Variants in AQP9 observed in about 807,000 individuals in gnomAD.
The protein encoded by AQP9 is aquaporin-9.
Under a neutral mutation model 23.8 loss-of-function variants are expected in AQP9, and 19 were observed. The observed-to-expected ratio is 0.80, with a 90% CI of 0.56 to 1.17. AQP9 has a LOEUF of 1.17. Among genes scored for constraint, AQP9 ranks in the 50% most tolerant of loss-of-function variants. The pLI, the probability that AQP9 is intolerant of heterozygous loss-of-function variation, is 0.00. For missense variants in AQP9, 413 were observed against 362.0 expected, an observed-to-expected ratio of 1.14 and a Z score of -1.14; for synonymous variants, 153 against 131.5, an observed-to-expected ratio of 1.16 and a Z score of -1.12.
At position 58,175,030 on chromosome 15, in the gene AQP9, A is replaced by C. The variant is rs1432521897; in HGVS notation, c.489A>C (p.Ala163=). ...APYLSLANAF[A]DQVVATMILL... is the part of the protein sequence containing the mutation. ...ATCTATCTCTGGCGAACGCATTTGC[A>C]GATCAAGTAAGTGTAGATTCAACAA... The change falls in exon 4 of 6, where the codon GCA becomes GCC. Residue 163 remains alanine (A), a synonymous_variant. Transcript: ENST00000219919. 1 of 1,610,686 alleles carries C rather than the reference A, an allele frequency of 6.2e-7. No homozygotes were observed. Among genetic ancestry groups the C allele is most frequent in the South Asian group, 1.1e-5 (1 of 91,014 alleles).
intron 4 of AQP9, among the ~76,000 whole-genome samples, chr15:58,177,994 T>C (rs1263019082): frequency 1.3e-5 from 2 of 152,230 alleles, no homozygotes; most frequent in Non-Finnish European, 2.9e-5. Flanking sequence ...GCATTTGTAT[T>C]GGACATGTAC....
intron 5 of AQP9, among the ~76,000 whole-genome samples, chr15:58,180,457 T>C (rs1196194522): frequency 3.3e-5 from 5 of 152,194 alleles, no homozygotes; most frequent in Non-Finnish European, 5.9e-5. Flanking sequence ...CATGAGTACC[T>C]TGACAGCCTT....
chr15:58,159,671 T>C (rs1898334382), intron 1 of AQP9, among the ~76,000 whole-genome samples: 1 of 152,180 alleles, frequency 6.6e-6, no homozygotes, highest in African/African-American at 2.4e-5. Flanking sequence ...CTCCGCCCTT[T>C]CTTGACCTCT....
At chr15:58,166,239 G>A (rs1248494696) in intron 1 of AQP9, among the ~76,000 whole-genome samples, 2 of 152,182 alleles carry the variant, frequency 1.3e-5, no homozygotes, top group East Asian at 3.8e-4. Flanking sequence ...AACTGCTACT[G>A]TGCTCGATTA....
intron 2 of AQP9, among the ~76,000 whole-genome samples, chr15:58,172,845 A>G (rs373511502): frequency 2.0e-5 from 3 of 152,090 alleles, no homozygotes; most frequent in African/African-American, 7.2e-5. Context: ...ATCAAGATAA[A>G]CATTCTAAAC....
chr15:58,170,893 G>T (rs1249985249), intron 2 of AQP9, among the ~76,000 whole-genome samples: 2 of 152,006 alleles, frequency 1.3e-5, no homozygotes, highest in African/African-American at 4.8e-5. Flanking sequence ...AAACTCAAGG[G>T]AGTTGGACTG....
chr15:58,171,516 C>G (rs1460036705), intron 2 of AQP9, among the ~76,000 whole-genome samples: 1 of 152,186 alleles, frequency 6.6e-6, no homozygotes, highest in Non-Finnish European at 1.5e-5. Flanking sequence ...ACCCCTGTTT[C>G]TAGCCTTCCC....
chr15:58,179,678 T>C (rs188335210), intron 5 of AQP9, among the ~76,000 whole-genome samples: 42 of 152,322 alleles, frequency 2.8e-4, no homozygotes, highest in African/African-American at 1.0e-3. Context: ...TGCAGATTCA[T>C]TTTGTGACAA....
intron 2 of AQP9, 62 bp downstream of exon 2, chr15:58,166,861 G>T: frequency 6.5e-7 from 1 of 1,543,414 alleles, no homozygotes; most frequent in South Asian, 1.3e-5. Context: ...CCCGCACAGT[G>T]CTGGCTGCTT....
Position 58,166,801 on chromosome 15 carries a change from T to G in AQP9, c.238+2T>G, listed in dbSNP as rs1898518209. On this transcript the variant is annotated splice_donor_variant, in intron 2 of 5. Coordinates refer to ENST00000219919, the MANE Select transcript of AQP9 (RefSeq NM_020980.5). LOFTEE classifies it high-confidence loss of function. ...TTTATGTGGCTGGCGGTGTCTCTGG[T>G]AAGCAGTAGAAATAATGAATGCTGC... 5.6e-6 allele frequency: 9 copies of G among 1,613,584 alleles called. No homozygotes were observed. The highest frequency in any genetic ancestry group is 7.6e-6 in the Non-Finnish European group (9 of 1,179,620).
At chr15:58,175,132 G>A (rs1418965428) in intron 4 of AQP9, 96 bp downstream of exon 4, 2 of 1,160,958 alleles carry the variant, frequency 1.7e-6, no homozygotes, top group Non-Finnish European at 2.5e-6. Context: ...AGAAAGGAGA[G>A]ATTATATTTC....
chr15:58,166,656 T>G lies in AQP9; in HGVS notation c.112-17T>G. The G allele has an allele frequency of 6.2e-7, 1 of 1,602,520 alleles. No homozygotes were observed. The highest frequency in any genetic ancestry group is 8.5e-7 in the Non-Finnish European group (1 of 1,174,640). On this transcript the variant is annotated splice_polypyrimidine_tract_variant and intron_variant, in intron 1 of 5. Transcript: ENST00000219919. The stretch of plus-strand genomic sequence containing the variant: ...TAGCCATCCCCACTTACCTGTTGAG[T>G]TTTCCTCTCATTCCAGGTCCTTGGA...
chr15:58,176,173 A>G (rs192346805), intron 4 of AQP9, among the ~76,000 whole-genome samples: 142 of 152,312 alleles, frequency 9.3e-4, no homozygotes, highest in Non-Finnish European at 1.7e-3. Flanking sequence ...CTGCCCAGAA[A>G]TTTTGAATCT....
At position 58,174,908 on chromosome 15, in the gene AQP9, T is replaced by A; in HGVS notation, c.377-10T>A. 1 of 1,611,170 alleles carries A rather than the reference T, an allele frequency of 6.2e-7. No homozygotes were observed. The highest frequency in any genetic ancestry group is 1.1e-5 in the South Asian group (1 of 91,032). ...GGAACACTAATGTGCCAGAGCTTTCTCTTTCATAGATGGACTTATGTCCTT... is the reference window on the plus strand; with the variant it reads ...GGAACACTAATGTGCCAGAGCTTTCACTTTCATAGATGGACTTATGTCCTT... On this transcript the variant is annotated splice_polypyrimidine_tract_variant and intron_variant, in intron 3 of 5. Coordinates refer to ENST00000219919, the MANE Select transcript of AQP9 (RefSeq NM_020980.5).
At chr15:58,181,322 C>T (rs1385388546) in intron 5 of AQP9, among the ~76,000 whole-genome samples, 2 of 152,184 alleles carry the variant, frequency 1.3e-5, no homozygotes, top group Admixed American at 1.3e-4. Context: ...AGTTTCTGTC[C>T]TTCACTGTTG....
At chr15:58,146,551 G>A (rs1173475630) in intron 1 of AQP9, among the ~76,000 whole-genome samples, 3 of 151,654 alleles carry the variant, frequency 2.0e-5, no homozygotes, top group Admixed American at 6.6e-5. Context: ...CTGTTCTGTC[G>A]TCTCGAGTTG....
chr15:58,151,837 G>A (rs919190581), intron 1 of AQP9: 4 of 152,032 alleles, frequency 2.6e-5, no homozygotes, highest in Non-Finnish European at 5.9e-5. Flanking sequence ...TACTTGCAGA[G>A]GTACTCCTAA....
chr15:58,179,999 A>T (rs1898847245), intron 5 of AQP9, among the ~76,000 whole-genome samples: 1 of 152,210 alleles, frequency 6.6e-6, no homozygotes. Context: ...ACTTCCGGAC[A>T]GGACAGACGT....
chr15:58,174,656 C>T (rs539325487), intron 3 of AQP9, among the ~76,000 whole-genome samples: 1 of 152,366 alleles, frequency 6.6e-6, no homozygotes, highest in East Asian at 1.9e-4. Flanking sequence ...AGAACTCATT[C>T]CCAGGACCCT....
Sources: allele counts gnomAD v4.1 joint callset (sites outside exome capture counted in the v4.1 genomes callset), GRCh38; gene constraint gnomAD v4.1.1; transcripts MANE v1.5; gene names NCBI Gene and HGNC (gene_info 2026-07-23, HGNC 2026-07-21).